The following MSI2 variants were observed in gnomAD, a reference collection of about 807,000 sequenced individuals.
The protein encoded by MSI2 is musashi RNA binding protein 2.
Under a neutral mutation model 45.6 loss-of-function variants are expected in MSI2, and 17 were observed. The ratio of observed to expected loss-of-function variants is 0.37; its 90% CI spans 0.26 to 0.56. The LOEUF (loss-of-function observed/expected upper bound fraction) is 0.56. MSI2 is among the 20% of genes least tolerant of loss of function. The probability of loss-of-function intolerance (pLI) is 0.77; values close to 1 mark genes in which losing one functional copy is unlikely to be tolerated. For synonymous variants in MSI2, 156 were observed against 158.2 expected (o/e 0.99, Z 0.11); for missense variants, 293 against 444.2 (o/e 0.66, Z 3.06).
intron 6 of MSI2, among the ~76,000 whole-genome samples, chr17:57,488,519 C>T (rs2085800210): frequency 6.6e-6 from 1 of 152,008 alleles, no homozygotes; most frequent in Non-Finnish European, 1.5e-5. Flanking sequence ...AGAAGTGCTG[C>T]TTAAAAATGT....
chr17:57,387,920 T>C (rs1460349600), intron 5 of MSI2, among the ~76,000 whole-genome samples: 3 of 152,200 alleles, frequency 2.0e-5, no homozygotes, highest in Non-Finnish European at 2.9e-5. Flanking sequence ...TCTCTTTTAA[T>C]ACTATTTTGT....
rs562383286 is a variant in MSI2, at chr17:57,337,632, G to A, written c.313-63747G>A. ...AAGCGCTGCTCTTGGCACCACGGTC[G>A]AGTCCTTAGCTGGACGGTGACTCGG... On this transcript the variant is annotated intron_variant, in intron 5 of 13. Transcript: ENST00000284073. 2.1e-3 allele frequency among the ~76,000 whole-genome samples: 324 copies of A among 152,180 alleles called. 1 individual carries two copies. Among genetic ancestry groups the A allele is most frequent in the African/African-American group, 7.5e-3 (311 of 41,524 alleles).
chr17:57,575,944 C>T (rs866668321), intron 7 of MSI2, among the ~76,000 whole-genome samples: 1 of 64,434 alleles, frequency 1.6e-5, no homozygotes, highest in Non-Finnish European at 3.4e-5. Context: ...GACTCCGTCT[C>T]AAAAAAAAAA....
chr17:57,535,070 C>T (rs765656532), intron 7 of MSI2, among the ~76,000 whole-genome samples: 1 of 152,214 alleles, frequency 6.6e-6, no homozygotes, highest in Non-Finnish European at 1.5e-5. Flanking sequence ...CTGTTGTTGG[C>T]AGGAGGCCGG....
chr17:57,521,605 A>C (rs775516216), intron 6 of MSI2, among the ~76,000 whole-genome samples: 14 of 152,108 alleles, frequency 9.2e-5, no homozygotes, highest in Admixed American at 2.0e-4. Flanking sequence ...TGAACTTCTA[A>C]TCTTTAGGCA....
chr17:57,646,453 A>G (rs891763864), intron 10 of MSI2, among the ~76,000 whole-genome samples: 6 of 152,200 alleles, frequency 3.9e-5, no homozygotes, highest in African/African-American at 1.4e-4. Context: ...GAGCTGTGTT[A>G]GCACCAACCT....
chr17:57,699,148 G>GGA, the MSI2 span, among the ~76,000 whole-genome samples: 15 of 21,186 alleles, frequency 7.1e-4, no homozygotes, highest in East Asian at 1.4e-3. Flanking sequence ...GAAGAGGCGA[G>GGA]GAGAGAGAGA....
intron 6 of MSI2, among the ~76,000 whole-genome samples, chr17:57,488,858 T>C (rs1247271507): frequency 6.7e-6 from 1 of 150,134 alleles, no homozygotes; most frequent in Non-Finnish European, 1.5e-5. Flanking sequence ...TCCTGCAAAG[T>C]GACAGCACAT....
rs143216215 is a variant in MSI2 at position 57,514,610 on chromosome 17, A to G, written c.406-15066A>G. Among the ~76,000 whole-genome samples, 506 of 152,302 alleles carry G rather than the reference A, an allele frequency of 3.3e-3. 1 individual carries two copies. Among genetic ancestry groups the G allele is most frequent in the African/African-American group, 0.01 (423 of 41,548 alleles). On this transcript the variant is annotated intron_variant, in intron 6 of 13. Transcript: ENST00000284073. ...TGTTGATGTAGAAATAAATGAAAGA[A>G]AAACATACTTGTTGGGTCTTGAAGC...
chr17:57,551,180 G>T (rs1006412858), intron 7 of MSI2, among the ~76,000 whole-genome samples: 9 of 152,142 alleles, frequency 5.9e-5, no homozygotes, highest in Admixed American at 3.3e-4. Flanking sequence ...GGGAATCAAA[G>T]TCCCCTTATT....
intron 6 of MSI2, among the ~76,000 whole-genome samples, chr17:57,410,644 G>A (rs1018851833): frequency 3.3e-5 from 5 of 151,506 alleles, no homozygotes; most frequent in South Asian, 2.1e-4. Context: ...ACAGGAAGTC[G>A]TTTTTAGGTG....
intron 6 of MSI2, among the ~76,000 whole-genome samples, chr17:57,471,100 G>T (rs1243307905): frequency 6.6e-6 from 1 of 152,012 alleles, no homozygotes; most frequent in African/African-American, 2.4e-5. Flanking sequence ...AACCCTGGGG[G>T]TGGTGGCTGC....
chr17:57,375,062 C>G (rs2083474459), intron 5 of MSI2, among the ~76,000 whole-genome samples: 1 of 152,150 alleles, frequency 6.6e-6, no homozygotes, highest in Admixed American at 6.5e-5. Context: ...GCTTGGTGTT[C>G]ACACAGCTCT....
chr17:57,381,451 AC>A (rs146802391), intron 5 of MSI2, among the ~76,000 whole-genome samples: 4,988 of 151,932 alleles, frequency 0.033, 294 homozygotes, highest in African/African-American at 0.12. Context: ...CAAGGCAGTG[AC>A]CCTCCCTCCT....
rs909688878 is a variant in MSI2 at position 57,407,602 on chromosome 17, A to T, written c.405+6131A>T. Among the ~76,000 whole-genome samples, 4 of 152,136 alleles carry T rather than the reference A, an allele frequency of 2.6e-5. No individual in the cohort carries two copies. The highest frequency in any genetic ancestry group is 9.7e-5 in the African/African-American group (4 of 41,426). On this transcript the variant is annotated intron_variant, in intron 6 of 13. Coordinates refer to ENST00000284073, the MANE Select transcript of MSI2 (RefSeq NM_138962.4). The surrounding 1 kb of genome is among the most constrained non-coding windows in gnomAD (Gnocchi z 4.1). ...GAGGCTTTGTCCTCTGAAGTGGTTC[A>T]TGTAGGTGGGTTGCCCGGGGAGTGG...
In MSI2 at chr17:57,631,621, C is replaced by G. The variant is rs938143937; in HGVS notation, c.727+4318C>G. The G allele has an allele frequency of 2.6e-5, 16 of 624,964 alleles. No homozygotes were observed. In the African/African-American group the frequency reaches 2.9e-4, roughly 11 times the overall value. 38.7% of individuals were successfully genotyped at this position (624,964 alleles called of 1,614,324 possible). On this transcript the variant is annotated intron_variant, in intron 10 of 13. Transcript: ENST00000284073. Reference sequence around the variant, plus strand: ...GTGACCAACCACTCTGGGAACAGCTCCTTCTTCCCACATCCAGGTGTCCAC... The same window carrying G: ...GTGACCAACCACTCTGGGAACAGCTGCTTCTTCCCACATCCAGGTGTCCAC...
chr17:57,402,079 C>CA (rs1295012172), intron 6 of MSI2, among the ~76,000 whole-genome samples: 1 of 152,168 alleles, frequency 6.6e-6, no homozygotes, highest in Admixed American at 6.5e-5. Context: ...AGCCAGGAAA[C>CA]AGAGTGTGAG....
chr17:57,426,583 A>G (rs1039221230), intron 6 of MSI2, among the ~76,000 whole-genome samples: 5 of 152,116 alleles, frequency 3.3e-5, no homozygotes, highest in Non-Finnish European at 7.4e-5. Context: ...ATACATTTTA[A>G]TTTATTTTTT....
Position 57,682,161 on chromosome 17 carries a change from A to G in MSI2, c.*2644A>G, listed in dbSNP as rs952877279. ...GTAAGGATAGAACTTTCTCTTATTT[A>G]TGAAAAAAAATGCTAATAATTTTGG... On this transcript the variant is annotated 3_prime_UTR_variant, in exon 14 of 14. Transcript: ENST00000284073. The G allele has an allele frequency of 1.0e-5, 2 of 193,152 alleles. No homozygotes were observed. Among genetic ancestry groups the G allele is most frequent in the African/African-American group, 4.6e-5 (2 of 43,136 alleles). 12.0% of individuals were successfully genotyped at this position (193,152 alleles called of 1,614,324 possible).
Sources: allele counts gnomAD v4.1 joint callset (sites outside exome capture counted in the v4.1 genomes callset), GRCh38; gene constraint gnomAD v4.1.1; non-coding constraint Gnocchi (gnomAD v3.1); transcripts MANE v1.5; gene names NCBI Gene and HGNC (gene_info 2026-07-23, HGNC 2026-07-21).